FAT4: variants seen among roughly 807,000 people sequenced by gnomAD.
The protein encoded by FAT4 is protocadherin Fat 4.
A neutral mutation model predicts 303.9 loss-of-function variants in FAT4; 84 were observed. That is an observed-to-expected ratio of 0.28 (90% CI 0.23 to 0.33). FAT4 has a LOEUF of 0.33. FAT4 is among the 10% of genes least tolerant of loss of function. The pLI is 1.00. For synonymous variants in FAT4, 2,307 were observed against 2,298.8 expected, an observed-to-expected ratio of 1.00 and a Z score of -0.10; for missense variants, 6,005 against 6,146.8, an observed-to-expected ratio of 0.98 and a Z score of 0.77.
At position 125,474,379 on chromosome 4, in the gene FAT4, T is replaced by C. The variant is rs116050057; in HGVS notation, c.12214-1792T>C. 7.7e-3 allele frequency among the ~76,000 whole-genome samples: 1,164 copies of C among 152,132 alleles called. 3 individuals carry two copies. Among genetic ancestry groups the C allele is most frequent in the Admixed American group, 9.8e-3 (150 of 15,266 alleles). ...CAGCAGAAGTTGAATTATAAAAACCTAATACTGCTTTTGAGATTGGATGTC... is the reference window on the plus strand; with the variant it reads ...CAGCAGAAGTTGAATTATAAAAACCCAATACTGCTTTTGAGATTGGATGTC... On this transcript the variant is annotated intron_variant, in intron 12 of 17. Coordinates refer to ENST00000394329, the MANE Select transcript of FAT4 (RefSeq NM_001291303.3).
chr4:125,327,956 G>T (rs981856669), intron 2 of FAT4, among the ~76,000 whole-genome samples: 1 of 152,118 alleles, frequency 6.6e-6, no homozygotes, highest in African/African-American at 2.4e-5. Flanking sequence ...AACTGCATAG[G>T]CCCTGAGGTG....
chr4:125,481,867 A>G (rs1229436753), intron 16 of FAT4, 129 bp downstream of exon 16: 6 of 735,514 alleles, frequency 8.2e-6, no homozygotes, highest in Non-Finnish European at 1.3e-5. Flanking sequence ...GCTGGGCACT[A>G]TTCCAATGTC....
intron 2 of FAT4, among the ~76,000 whole-genome samples, chr4:125,387,301 A>G (rs1733792934): frequency 6.6e-6 from 1 of 152,230 alleles, no homozygotes; most frequent in Non-Finnish European, 1.5e-5. Flanking sequence ...CAAATGTGAA[A>G]TGAGGAAGAG....
intron 3 of FAT4, among the ~76,000 whole-genome samples, chr4:125,400,557 C>T (rs1734347608): frequency 6.6e-6 from 1 of 151,854 alleles, no homozygotes; most frequent in African/African-American, 2.4e-5. Flanking sequence ...TATGTGTGCA[C>T]ACACTTGCAT....
At chr4:125,457,557 GA>G (rs1195698404) in intron 10 of FAT4, among the ~76,000 whole-genome samples, 3 of 151,386 alleles carry the variant, frequency 2.0e-5, no homozygotes, top group East Asian at 1.9e-4. Context: ...AAAGAAAATT[GA>G]AAAAAAGTAA....
At position 125,315,575 on chromosome 4, in the gene FAT4, C is replaced by A. The variant is rs2125937234; in HGVS notation, c.-415C>A. Among the ~76,000 whole-genome samples the A allele has an allele frequency of 6.6e-6, 1 of 152,298 alleles. No homozygotes were observed. The highest frequency in any genetic ancestry group is 6.5e-5 in the Admixed American group (1 of 15,304). Reference sequence around the variant, plus strand: ...GATGTACAAATAATGGGTCGGCAGGCGCCCCGGCAGAGGTGAAAAATGCCG... The same window carrying A: ...GATGTACAAATAATGGGTCGGCAGGAGCCCCGGCAGAGGTGAAAAATGCCG... On this transcript the variant is annotated 5_prime_UTR_variant, in exon 1 of 18. Coordinates refer to ENST00000394329, the MANE Select transcript of FAT4 (RefSeq NM_001291303.3).
intron 8 of FAT4, among the ~76,000 whole-genome samples, chr4:125,437,935 C>A (rs1210501715): frequency 3.3e-5 from 5 of 152,020 alleles, no homozygotes; most frequent in African/African-American, 1.2e-4. Context: ...AGAATAGCAC[C>A]AGGAACAAAA....
At chr4:125,330,787 T>G (rs1731350756) in intron 2 of FAT4, among the ~76,000 whole-genome samples, 2 of 152,200 alleles carry the variant, frequency 1.3e-5, no homozygotes, top group African/African-American at 2.4e-5. Context: ...GAGTGATCTT[T>G]TAGATCATTT....
chr4:125,349,974 G>GT (rs1732160004), intron 2 of FAT4, among the ~76,000 whole-genome samples: 2 of 151,758 alleles, frequency 1.3e-5, no homozygotes, highest in South Asian at 2.1e-4. Flanking sequence ...ACTGTCGTCA[G>GT]TTTTTTATGT....
Position 125,450,372 on chromosome 4 carries a change from C to T in FAT4, c.9362C>T (p.Ala3121Val), listed in dbSNP as rs1325978882. 7 of 1,614,038 alleles carry T rather than the reference C, an allele frequency of 4.3e-6. No homozygotes were observed. The highest frequency in any genetic ancestry group is 5.1e-6 in the Non-Finnish European group (6 of 1,179,974). ...RTVSARDRDA[A>V]MNGLIKYSIS... ...GTTTCTGCAAGAGATAGAGATGCAG[C>T]GATGAATGGCTTGATTAAGTACAGC... Residue 3121 changes from alanine (A) to valine (V), a missense_variant, in exon 10 of 18, where the codon GCG becomes GTG. Ala to Val is a moderately conservative substitution (Grantham distance 64). Transcript: ENST00000394329.
chr4:125,466,797 C>T (rs554773171), intron 11 of FAT4, among the ~76,000 whole-genome samples: 40 of 140,446 alleles, frequency 2.8e-4, no homozygotes, highest in African/African-American at 3.9e-4. Context: ...TTTTTTGAGA[C>T]GGAGTCTCGC....
rs114895182 is a variant in FAT4 at position 125,483,339 on chromosome 4, A to G, written c.12822+1601A>G. Among the ~76,000 whole-genome samples the G allele has an allele frequency of 2.0e-3, 310 of 152,328 alleles. 2 individuals carry two copies. The highest frequency in any genetic ancestry group is 6.8e-3 in the African/African-American group (283 of 41,574). ...ATCTTCTATAAGAAACATATTTTATATGGTTTGAGAGGCTTTGACATTGAG... is the reference window on the plus strand; with the variant it reads ...ATCTTCTATAAGAAACATATTTTATGTGGTTTGAGAGGCTTTGACATTGAG... On this transcript the variant is annotated intron_variant, in intron 16 of 17. Coordinates refer to ENST00000394329, the MANE Select transcript of FAT4 (RefSeq NM_001291303.3).
intron 8 of FAT4, among the ~76,000 whole-genome samples, chr4:125,444,437 T>C (rs76056369): frequency 6.6e-6 from 1 of 152,108 alleles, no homozygotes; most frequent in Admixed American, 6.5e-5. Flanking sequence ...AATCCACTCA[T>C]AATGATGGAA....
chr4:125,406,870 C>G lies in FAT4; in HGVS notation c.5308-10C>G. On this transcript the variant is annotated splice_polypyrimidine_tract_variant and intron_variant, in intron 3 of 17. Coordinates refer to ENST00000394329, the MANE Select transcript of FAT4 (RefSeq NM_001291303.3). Reference sequence around the variant, plus strand: ...TTCCAATAGCTCAGATGCTTGGTCTCTTTTTTTAGGGTGCAAATGCTCTCG... The same window carrying G: ...TTCCAATAGCTCAGATGCTTGGTCTGTTTTTTTAGGGTGCAAATGCTCTCG... The G allele has an allele frequency of 1.2e-6, 2 of 1,611,772 alleles. No homozygotes were observed. The highest frequency in any genetic ancestry group is 1.7e-6 in the Non-Finnish European group (2 of 1,178,646).
At chr4:125,448,400 T>A in intron 9 of FAT4, 61 bp from the exon 10 acceptor site, 1 of 1,470,866 alleles carries the variant, frequency 6.8e-7, no homozygotes, top group Non-Finnish European at 9.2e-7. Flanking sequence ...TGCACTTATC[T>A]GCTACCAAAT....
In FAT4 at chr4:125,315,750, C is replaced by G. The variant is rs1272770702; in HGVS notation, c.-240C>G. 6.6e-6 allele frequency among the ~76,000 whole-genome samples: 1 copy of G among 152,286 alleles called. No homozygotes were observed. The highest frequency in any genetic ancestry group is 1.9e-4 in the East Asian group (1 of 5,134). ...GAACGCTAGCGCTTGGAACGCAGTTCCCGAACTGCCTGCGCGCAGACGCCG... is the reference window on the plus strand; with the variant it reads ...GAACGCTAGCGCTTGGAACGCAGTTGCCGAACTGCCTGCGCGCAGACGCCG... On this transcript the variant is annotated 5_prime_UTR_variant, in exon 1 of 18. Transcript: ENST00000394329.
chr4:125,327,560 T>A, intron 2 of FAT4, among the ~76,000 whole-genome samples: 1 of 152,180 alleles, frequency 6.6e-6, no homozygotes, highest in East Asian at 1.9e-4. Context: ...GCTTTATAAA[T>A]TTTTAAGATG....
At chr4:125,359,914 A>G (rs1367146354) in intron 2 of FAT4, among the ~76,000 whole-genome samples, 1 of 152,062 alleles carries the variant, frequency 6.6e-6, no homozygotes, top group Admixed American at 6.6e-5. Flanking sequence ...AGTTCCAAAG[A>G]TTACAGTGCT....
chr4:125,365,775 A>G (rs1034484786), intron 2 of FAT4, among the ~76,000 whole-genome samples: 7 of 152,198 alleles, frequency 4.6e-5, no homozygotes, highest in African/African-American at 1.7e-4. Flanking sequence ...AATATAACTA[A>G]ATTAGAATTA....
Sources: gnomAD v4.1 joint callset for allele counts (sites outside exome capture counted in the v4.1 genomes callset) on GRCh38, gnomAD v4.1.1 for gene constraint, MANE v1.5 for transcripts, NCBI Gene and HGNC (gene_info 2026-07-23, HGNC 2026-07-21) for gene names.